Variants in CD5 observed in about 807,000 individuals in gnomAD.
CD5 encodes CD5 molecule.
Under a neutral mutation model 60.3 loss-of-function variants are expected in CD5, and 36 were observed. The observed-to-expected ratio is 0.60, with a 90% CI of 0.46 to 0.79. The LOEUF is 0.79. CD5 is among the 30% of genes least tolerant of loss of function. The pLI is 0.00. For missense variants in CD5, 540 were observed against 630.6 expected, an observed-to-expected ratio of 0.86 and a Z score of 1.54; for synonymous variants, 230 against 257.6, an observed-to-expected ratio of 0.89 and a Z score of 1.03.
At chr11:61,102,915 G>C (rs1020532270) in intron 1 of CD5, among the ~76,000 whole-genome samples, 1 of 152,218 alleles carries the variant, frequency 6.6e-6, no homozygotes, top group African/African-American at 2.4e-5. Context: ...ATGGGGCCCA[G>C]ACAACTTGAT....
intron 1 of CD5, among the ~76,000 whole-genome samples, chr11:61,111,714 C>T (rs1374518703): frequency 5.9e-5 from 9 of 152,310 alleles, no homozygotes; most frequent in African/African-American, 1.9e-4. Flanking sequence ...GTGGTGAGCC[C>T]CATGGCTTGG....
At chr11:61,124,525 C>T (rs1861116792) in intron 8 of CD5, among the ~76,000 whole-genome samples, 1 of 152,036 alleles carries the variant, frequency 6.6e-6, no homozygotes, top group African/African-American at 2.4e-5. Context: ...CTTCATCCTC[C>T]CTCCTTCCAG....
Position 61,118,166 on chromosome 11 carries a change from G to A in CD5, c.95-9G>A. ...AGCCTGACCCCCACCACACCTTTCTGACCCCCAGATTTCCAGGCAAGGCTC... is the reference window on the plus strand; with the variant it reads ...AGCCTGACCCCCACCACACCTTTCTAACCCCCAGATTTCCAGGCAAGGCTC... On this transcript the variant is annotated splice_polypyrimidine_tract_variant and intron_variant, in intron 2 of 10. Coordinates refer to ENST00000347785, the MANE Select transcript of CD5 (RefSeq NM_014207.4). This position sits in a 1 kb window ranked among gnomAD's most constrained non-coding sequence, Gnocchi z 4.7. 2.5e-6 allele frequency: 4 copies of A among 1,611,186 alleles called. No homozygotes were observed. The highest frequency in any genetic ancestry group is 3.4e-6 in the Non-Finnish European group (4 of 1,177,826).
At chr11:61,122,367 G>A (rs1461116939) in intron 6 of CD5, among the ~76,000 whole-genome samples, 1 of 146,766 alleles carries the variant, frequency 6.8e-6, no homozygotes, top group Non-Finnish European at 1.5e-5. Context: ...TGGGTGGGTG[G>A]ATGGATGATG....
chr11:61,108,743 CG>C (rs1273405503), intron 1 of CD5, among the ~76,000 whole-genome samples: 1 of 152,052 alleles, frequency 6.6e-6, no homozygotes, highest in Non-Finnish European at 1.5e-5. Flanking sequence ...TCACTGTTTA[CG>C]GGAAAAAGGG....
intron 2 of CD5, among the ~76,000 whole-genome samples, chr11:61,115,950 G>A (rs954846523): frequency 1.3e-5 from 2 of 152,298 alleles, no homozygotes; most frequent in Non-Finnish European, 2.9e-5. Context: ...CTGGTGAAGC[G>A]GCAACGAGCC....
chr11:61,117,128 C>G (rs1455823338), intron 2 of CD5, among the ~76,000 whole-genome samples: 1 of 152,234 alleles, frequency 6.6e-6, no homozygotes, highest in Non-Finnish European at 1.5e-5. Context: ...GTGTAGTGAA[C>G]TATCATTCGG....
chr11:61,108,010 G>T (rs1046301070), intron 1 of CD5, among the ~76,000 whole-genome samples: 8 of 152,146 alleles, frequency 5.3e-5, no homozygotes, highest in African/African-American at 1.9e-4. Flanking sequence ...TGGAGACAGG[G>T]TTTCTCTCCT....
At chr11:61,116,503 CACCA>C (rs1860950440) in intron 2 of CD5, among the ~76,000 whole-genome samples, 1 of 126,140 alleles carries the variant, frequency 7.9e-6, no homozygotes, top group African/African-American at 3.1e-5. Flanking sequence ...CACACCACCA[CACCA>C]CACACACACA....
intron 8 of CD5, among the ~76,000 whole-genome samples, chr11:61,124,414 G>A (rs1036163051): frequency 1.3e-5 from 2 of 152,162 alleles, no homozygotes; most frequent in Admixed American, 1.3e-4. Context: ...CCAAAGCAAG[G>A]ATCCATTAAG....
chr11:61,108,154 T>G (rs1209793188), intron 1 of CD5, among the ~76,000 whole-genome samples: 5 of 152,322 alleles, frequency 3.3e-5, no homozygotes, highest in Admixed American at 6.5e-5. Flanking sequence ...ACAAGTCTAG[T>G]GCATGAGAGA....
rs1177910086 is a variant in CD5, at chr11:61,118,530, C to T, written c.400+50C>T. The stretch of plus-strand genomic sequence containing the variant: ...GCACCCTGGGCCTGGGCGCCAGCCC[C>T]GAGGAGACTGCCCGAGGCCTGTGAT... On this transcript the variant is annotated intron_variant, in intron 3 of 10. Transcript: ENST00000347785. The surrounding 1 kb of genome is among the most constrained non-coding windows in gnomAD (Gnocchi z 4.7). The T allele has an allele frequency of 2.4e-5, 38 of 1,564,564 alleles. No individual in the cohort carries two copies. Among genetic ancestry groups the T allele is most frequent in the Admixed American group, 2.4e-4 (14 of 58,590 alleles).
At chr11:61,114,105 T>C (rs1337163069) in intron 1 of CD5, among the ~76,000 whole-genome samples, 2 of 152,202 alleles carry the variant, frequency 1.3e-5, no homozygotes, top group Admixed American at 6.5e-5. Context: ...CTCTTTTTTA[T>C]TTATTTAAAA....
chr11:61,116,798 C>T (rs1364217095), intron 2 of CD5, among the ~76,000 whole-genome samples: 1 of 144,708 alleles, frequency 6.9e-6, no homozygotes, highest in African/African-American at 2.6e-5. Context: ...ACACCACCTG[C>T]ACACTACACA....
intron 8 of CD5, among the ~76,000 whole-genome samples, chr11:61,124,260 C>T (rs1395955389): frequency 6.6e-6 from 1 of 152,216 alleles, no homozygotes; most frequent in East Asian, 1.9e-4. Context: ...TTCCCCAACA[C>T]AGTAGCCAGT....
intron 1 of CD5, among the ~76,000 whole-genome samples, chr11:61,104,555 C>G (rs1860751672): frequency 6.6e-6 from 1 of 152,156 alleles, no homozygotes; most frequent in Admixed American, 6.5e-5. Context: ...GTCCCCTGGC[C>G]CAACACAGGC....
chr11:61,120,839 T>C lies in CD5; in HGVS notation c.806-772T>C, dbSNP rs947491601. ...GCAGTCCCACCGGCCCCTCAGCTACTATCCTTCCTGCAGGCTACAACCTGT... is the reference window on the plus strand; with the variant it reads ...GCAGTCCCACCGGCCCCTCAGCTACCATCCTTCCTGCAGGCTACAACCTGT... On this transcript the variant is annotated intron_variant, in intron 5 of 10. Coordinates refer to ENST00000347785, the MANE Select transcript of CD5 (RefSeq NM_014207.4). Among the ~76,000 whole-genome samples, 3 of 152,236 alleles carry C rather than the reference T, an allele frequency of 2.0e-5. No homozygotes were observed. In the East Asian group the frequency reaches 5.8e-4, roughly 29 times the overall value.
upstream of CD5, among the ~76,000 whole-genome samples, chr11:61,098,624 A>T (rs1268482695): frequency 6.6e-6 from 1 of 152,208 alleles, no homozygotes; most frequent in African/African-American, 2.4e-5. Context: ...TTATCAGTGC[A>T]TGCAGCCCCC....
At position 61,119,504 on chromosome 11, in the gene CD5, C is replaced by A; in HGVS notation, c.734C>A (p.Thr245Asn). 6.2e-7 allele frequency: 1 copy of A among 1,614,132 alleles called. No homozygotes were observed. The highest frequency in any genetic ancestry group is 8.5e-7 in the Non-Finnish European group (1 of 1,180,026). ...IQWKIQNSSC[T>N]SLEHCFRKIK... ...TGGAAGATCCAGAACTCAAGCTGTACCTCCCTGGAGCATTGCTTCAGGAAA... is the reference window on the plus strand; with the variant it reads ...TGGAAGATCCAGAACTCAAGCTGTAACTCCCTGGAGCATTGCTTCAGGAAA... Residue 245 changes from threonine to asparagine, a missense_variant, in exon 5 of 11, where the codon ACC becomes AAC. Thr to Asn is a moderately conservative substitution (Grantham distance 65). Coordinates refer to ENST00000347785, the MANE Select transcript of CD5 (RefSeq NM_014207.4).
Sources: allele counts gnomAD v4.1 joint callset (sites outside exome capture counted in the v4.1 genomes callset), GRCh38; gene constraint gnomAD v4.1.1; non-coding constraint Gnocchi (gnomAD v3.1); transcripts MANE v1.5; gene names NCBI Gene and HGNC (gene_info 2026-07-23, HGNC 2026-07-21).